Variants in UBE4A observed in about 807,000 individuals in gnomAD.
UBE4A encodes the protein ubiquitin conjugation factor E4 A.
Under a neutral mutation model 117.9 loss-of-function variants are expected in UBE4A, and 48 were observed. The observed-to-expected ratio is 0.41, with a 90% CI of 0.32 to 0.52. The LOEUF is 0.52. Ranked by LOEUF, UBE4A falls within the 20% of genes least tolerant of loss-of-function variation. The pLI is 0.33. For synonymous variants in UBE4A, 407 were observed against 450.0 expected, an observed-to-expected ratio of 0.90 and a Z score of 1.21; for missense variants, 1,067 against 1,296.3, an observed-to-expected ratio of 0.82 and a Z score of 2.72.
chr11:118,393,017 A>G, intron 19 of UBE4A, 122 bp downstream of exon 19: 2 of 997,352 alleles, frequency 2.0e-6, no homozygotes, highest in South Asian at 1.8e-5. Flanking sequence ...TGATTTACTG[A>G]TATGTTGGAA....
rs1240185763 is a variant in UBE4A, at chr11:118,386,537, A to G, written c.2512A>G (p.Met838Val). The G allele has an allele frequency of 6.8e-6, 11 of 1,606,350 alleles. No individual in the cohort carries two copies. The highest frequency in any genetic ancestry group is 4.5e-5 in the East Asian group (2 of 44,200). The change falls in exon 16 of 20, where the codon ATG (methionine) becomes GTG (valine). Residue 838 changes from methionine to valine, a missense_variant. Around this residue, in one of 3 missense-constraint regions of UBE4A, gnomAD observed 1,001 missense variants for 1,184.0 expected, o/e 0.85. Transcript: ENST00000252108. ...CCGAGAAAAGGAGGCTGGCCTACAG[A>G]TGTTTGGACAGCTGGCACGTTTCCA... is the stretch of plus-strand genomic sequence containing the variant. ...ARREKEAGLQ[M>V]FGQLARFHNI... is the part of the protein sequence containing the mutation.
At chr11:118,388,326 A>G (rs1362358449) in intron 16 of UBE4A, among the ~76,000 whole-genome samples, 1 of 152,222 alleles carries the variant, frequency 6.6e-6, no homozygotes, top group Non-Finnish European at 1.5e-5. Context: ...TTCATGCCCT[A>G]TAACATAGCA....
intron 10 of UBE4A, among the ~76,000 whole-genome samples, chr11:118,377,286 C>T (rs782131686): frequency 6.6e-6 from 1 of 152,198 alleles, no homozygotes; most frequent in Non-Finnish European, 1.5e-5. Context: ...CTGCTCACTG[C>T]AACCTCCGCC....
intron 13 of UBE4A, 113 bp downstream of exon 13, chr11:118,382,889 C>G (rs1475325060): frequency 1.3e-5 from 13 of 975,578 alleles, no homozygotes; most frequent in Non-Finnish European, 1.5e-5. Context: ...TTATTGAATA[C>G]CTACTATATG....
At chr11:118,377,990 A>G (rs561845333) in intron 10 of UBE4A, among the ~76,000 whole-genome samples, 1 of 151,290 alleles carries the variant, frequency 6.6e-6, no homozygotes, top group Non-Finnish European at 1.5e-5. Flanking sequence ...GCTCATGCCT[A>G]TAATCCCAGC....
rs1182721017 is a variant in UBE4A, at chr11:118,397,647, G to T, written c.*1207G>T. ...ATTGTGCAGCTTAATATGCTGACTA[G>T]GGACATTCCCCTATGGATTATCTTT... On this transcript the variant is annotated 3_prime_UTR_variant, in exon 20 of 20. Transcript: ENST00000252108. The T allele has an allele frequency of 6.6e-6, 1 of 152,170 alleles. No individual in the cohort carries two copies. Among genetic ancestry groups the T allele is most frequent in the Non-Finnish European group, 1.5e-5 (1 of 68,024 alleles). The allele number at this position is 152,170 out of a possible 1,614,324, so 9.4% of individuals were successfully genotyped here.
At chr11:118,394,772 C>CA (rs201405273) in intron 19 of UBE4A, among the ~76,000 whole-genome samples, 23,724 of 105,226 alleles carry the variant, frequency 0.23, 2,426 homozygotes, top group East Asian at 0.54. Flanking sequence ...AGACTCGTCT[C>CA]AAAAAAAAAA....
At chr11:118,388,528 A>G (rs1313189296) in intron 16 of UBE4A, among the ~76,000 whole-genome samples, 1 of 152,102 alleles carries the variant, frequency 6.6e-6, no homozygotes, top group East Asian at 1.9e-4. Flanking sequence ...ATGTGCCTGT[A>G]GTCCCAGCTG....
intron 13 of UBE4A, among the ~76,000 whole-genome samples, chr11:118,383,787 T>C (rs2134103425): frequency 6.6e-6 from 1 of 152,262 alleles, no homozygotes; most frequent in South Asian, 2.1e-4. Context: ...ATTTAACATT[T>C]TACTGGCCGC....
chr11:118,376,520 A>C, intron 9 of UBE4A, 54 bp from the exon 10 acceptor site: 1 of 1,597,158 alleles, frequency 6.3e-7, no homozygotes. Context: ...TGAGTGTAAG[A>C]GGAGACTGGA....
In UBE4A at chr11:118,399,130, C is replaced by T. The variant is rs1555130381; in HGVS notation, c.*2690C>T. 2.2e-6 allele frequency: 1 copy of T among 447,426 alleles called. No individual in the cohort carries two copies. The highest frequency in any genetic ancestry group is 4.5e-6 in the Non-Finnish European group (1 of 221,478). The allele number at this position is 447,426 out of a possible 1,614,324, so 27.7% of individuals were successfully genotyped here. A position where few individuals can be genotyped will look rare whatever the true frequency, so the allele number is the denominator to read the frequency against. On this transcript the variant is annotated 3_prime_UTR_variant, in exon 20 of 20. Coordinates refer to ENST00000252108, the MANE Select transcript of UBE4A (RefSeq NM_001204077.2). ...CAACGCGACTGTATTTTGAAACATT[C>T]CAGGAAGGTTACTTCTTGTCAAACT...
chr11:118,380,760 G>A (rs1264567811), intron 11 of UBE4A, among the ~76,000 whole-genome samples: 4 of 152,168 alleles, frequency 2.6e-5, no homozygotes, highest in Admixed American at 2.0e-4. Flanking sequence ...TCATGTGGTT[G>A]TTGACAGGCC....
intron 15 of UBE4A, among the ~76,000 whole-genome samples, chr11:118,385,839 G>T (rs932198624): frequency 5.3e-5 from 8 of 152,194 alleles, no homozygotes; most frequent in Admixed American, 1.3e-4. Flanking sequence ...TTCTTCAAAA[G>T]CGAGAATAGG....
chr11:118,382,497 TA>T (rs1948714121), intron 12 of UBE4A, 91 bp from the exon 13 acceptor site: 3 of 1,139,948 alleles, frequency 2.6e-6, no homozygotes, highest in Non-Finnish European at 2.3e-6. Flanking sequence ...TAATATGGTT[TA>T]GGGTGGATTT....
At chr11:118,367,635 G>A (rs1948575299) in intron 2 of UBE4A, among the ~76,000 whole-genome samples, 1 of 151,192 alleles carries the variant, frequency 6.6e-6, no homozygotes, top group Non-Finnish European at 1.5e-5. Context: ...CCGAGTAGCT[G>A]GGACTACAGG....
At chr11:118,387,230 T>A (rs1948767890) in intron 16 of UBE4A, among the ~76,000 whole-genome samples, 1 of 152,024 alleles carries the variant, frequency 6.6e-6, no homozygotes, top group African/African-American at 2.4e-5. Context: ...GAAAAACAAA[T>A]AGGTGAAAAC....
chr11:118,362,583 G>T (rs764103751), intron 1 of UBE4A, among the ~76,000 whole-genome samples: 2 of 152,202 alleles, frequency 1.3e-5, no homozygotes, highest in Non-Finnish European at 2.9e-5. Flanking sequence ...GGCATTTAGG[G>T]AAATTTTATT....
chr11:118,386,876 AAT>A (rs563086782), intron 16 of UBE4A, among the ~76,000 whole-genome samples: 15 of 152,200 alleles, frequency 9.9e-5, no homozygotes, highest in Non-Finnish European at 1.9e-4. Flanking sequence ...TAGCCATATA[AAT>A]ATATGTGTGT....
chr11:118,396,218 T>C, intron 19 of UBE4A, 96 bp from the exon 20 acceptor site: 2 of 1,481,920 alleles, frequency 1.3e-6, no homozygotes, highest in Non-Finnish European at 1.8e-6. Flanking sequence ...CACTCTGGCT[T>C]CATTCTTAAG....
Sources: allele counts gnomAD v4.1 joint callset (sites outside exome capture counted in the v4.1 genomes callset), GRCh38; gene constraint gnomAD v4.1.1; regional missense constraint gnomAD v4.1.1; transcripts MANE v1.5; gene names NCBI Gene and HGNC (gene_info 2026-07-23, HGNC 2026-07-21).